MRTFA: variants seen among roughly 807,000 people sequenced by gnomAD.
MRTFA encodes the protein myocardin-related transcription factor A.
In MRTFA, 20 loss-of-function variants were observed where a neutral mutation model predicts 83.5. The observed-to-expected ratio is 0.24, with a 90% CI of 0.17 to 0.35. The LOEUF is 0.35. Among genes scored for constraint, MRTFA ranks in the 10% least tolerant of loss-of-function variants. MRTFA has a pLI of 1.00. For missense variants in MRTFA, 1,200 were observed against 1,224.7 expected (o/e 0.98, Z 0.30); for synonymous variants, 659 against 541.2 (o/e 1.22, Z -3.02).
chr22:40,565,501 C>A (rs923694317), intron 2 of MRTFA, among the ~76,000 whole-genome samples: 1 of 152,114 alleles, frequency 6.6e-6, no homozygotes, highest in African/African-American at 2.4e-5. Context: ...GAGCCAAGAT[C>A]GCACCACTGC....
At chr22:40,565,644 G>A (rs1035837201) in intron 2 of MRTFA, among the ~76,000 whole-genome samples, 1 of 152,178 alleles carries the variant, frequency 6.6e-6, no homozygotes, top group African/African-American at 2.4e-5. Flanking sequence ...TAGGCACTGG[G>A]AGTACAACAG....
At chr22:40,491,360 A>T (rs1165037442) in intron 3 of MRTFA, among the ~76,000 whole-genome samples, 1 of 152,076 alleles carries the variant, frequency 6.6e-6, no homozygotes, top group Non-Finnish European at 1.5e-5. Context: ...AAACAAAACC[A>T]AGACTATGAA....
rs1455611336 is a variant in MRTFA, at chr22:40,593,841, G to A, written c.-22+833C>T. ...ACAGGATTCCTGGTTGGGGAGTTCC[G>A]TTTTGACTGTCAAGTTTACTCTGCA... On this transcript the variant is annotated intron_variant, in intron 2 of 14. Transcript: ENST00000355630. Among the ~76,000 whole-genome samples the A allele has an allele frequency of 2.0e-5, 3 of 152,122 alleles. No homozygotes were observed. The South Asian group carries it at 6.2e-4, about 32-fold the overall frequency.
chr22:40,490,189 A>G (rs973677816), intron 3 of MRTFA, among the ~76,000 whole-genome samples: 2 of 152,166 alleles, frequency 1.3e-5, no homozygotes, highest in Non-Finnish European at 2.9e-5. Flanking sequence ...CCTAAGCCAT[A>G]CTATCCCCCG....
intron 3 of MRTFA, among the ~76,000 whole-genome samples, chr22:40,516,251 T>C (rs958951174): frequency 2.6e-5 from 4 of 151,672 alleles, no homozygotes; most frequent in African/African-American, 9.7e-5. Context: ...AAATCCTGCC[T>C]CTACTAAAAA....
chr22:40,562,613 AG>A (rs888579897), intron 2 of MRTFA, among the ~76,000 whole-genome samples: 1 of 62,352 alleles, frequency 1.6e-5, no homozygotes, highest in Non-Finnish European at 3.1e-5. Flanking sequence ...GGAAGGGGTA[AG>A]GGGGGAGGGA....
At chr22:40,580,943 C>T (rs779673353) in intron 2 of MRTFA, among the ~76,000 whole-genome samples, 3 of 152,068 alleles carry the variant, frequency 2.0e-5, no homozygotes, top group South Asian at 2.1e-4. Context: ...TAACAGGTAT[C>T]ACATTTAACT....
At chr22:40,532,138 T>C (rs2055092212) in intron 3 of MRTFA, among the ~76,000 whole-genome samples, 1 of 152,198 alleles carries the variant, frequency 6.6e-6, no homozygotes, top group South Asian at 2.1e-4. Context: ...AAACAGCTCT[T>C]AGCAAGCAAG....
intron 4 of MRTFA, among the ~76,000 whole-genome samples, chr22:40,441,749 T>C (rs2053279212): frequency 6.6e-6 from 1 of 150,802 alleles, no homozygotes; most frequent in Non-Finnish European, 1.5e-5. Flanking sequence ...ACCGTGACAC[T>C]GTACTCCAAC....
intron 1 of MRTFA, among the ~76,000 whole-genome samples, chr22:40,617,658 C>T (rs867182756): frequency 1.4e-5 from 2 of 144,852 alleles, no homozygotes; most frequent in African/African-American, 2.6e-5. Context: ...ACCCGGGAGG[C>T]GGAGCTTGCA....
chr22:40,446,362 T>C (rs762406858), intron 4 of MRTFA, among the ~76,000 whole-genome samples: 5 of 152,178 alleles, frequency 3.3e-5, no homozygotes, highest in African/African-American at 4.8e-5. Context: ...AAAGAACAAA[T>C]TGGAGTGACT....
intron 4 of MRTFA, among the ~76,000 whole-genome samples, chr22:40,461,375 G>A (rs1253563394): frequency 6.6e-6 from 1 of 151,880 alleles, no homozygotes; most frequent in Non-Finnish European, 1.5e-5. Flanking sequence ...AAATCCAGCT[G>A]GGCATGGTGA....
intron 3 of MRTFA, among the ~76,000 whole-genome samples, chr22:40,516,836 A>T (rs1451737745): frequency 1.3e-5 from 2 of 152,214 alleles, no homozygotes; most frequent in African/African-American, 4.8e-5. Flanking sequence ...ATCGTACAAG[A>T]GCTTTTTTTA....
intron 1 of MRTFA, among the ~76,000 whole-genome samples, chr22:40,622,464 G>C (rs2056534644): frequency 7.2e-6 from 1 of 138,456 alleles, no homozygotes; most frequent in Admixed American, 7.8e-5. Flanking sequence ...CTGGGTGACA[G>C]AGCGAGACTC....
At chr22:40,425,537 C>T (rs2052935943) in intron 7 of MRTFA, among the ~76,000 whole-genome samples, 2 of 152,190 alleles carry the variant, frequency 1.3e-5, no homozygotes, top group Non-Finnish European at 2.9e-5. Flanking sequence ...CTCTCTCCTC[C>T]CTCAGGACCT....
chr22:40,514,926 T>C (rs2054731653), intron 3 of MRTFA, among the ~76,000 whole-genome samples: 1 of 150,340 alleles, frequency 6.7e-6, no homozygotes, highest in African/African-American at 2.4e-5. Context: ...TTTTTTTTTT[T>C]GAGACAGAGT....
At chr22:40,466,844 A>G (rs1008086916) in intron 3 of MRTFA, among the ~76,000 whole-genome samples, 2 of 152,144 alleles carry the variant, frequency 1.3e-5, no homozygotes, top group Non-Finnish European at 2.9e-5. Flanking sequence ...GAACGCAAAA[A>G]TTTAAATTTA....
chr22:40,552,015 C>T (rs1006382284), intron 3 of MRTFA, 91 bp downstream of exon 3: 19 of 394,360 alleles, frequency 4.8e-5, no homozygotes, highest in Middle Eastern at 6.3e-4. Flanking sequence ...GGAACTTTCA[C>T]GGAACATCAA....
At chr22:40,465,268 T>C (rs1464752794) in intron 3 of MRTFA, among the ~76,000 whole-genome samples, 1 of 152,204 alleles carries the variant, frequency 6.6e-6, no homozygotes, top group East Asian at 1.9e-4. Flanking sequence ...TATCCCTTAC[T>C]GATATATGTC....
Sources: allele counts gnomAD v4.1 joint callset (sites outside exome capture counted in the v4.1 genomes callset), GRCh38; gene constraint gnomAD v4.1.1; transcripts MANE v1.5; gene names NCBI Gene and HGNC (gene_info 2026-07-23, HGNC 2026-07-21).